The following RIMS4 variants were observed in gnomAD, a reference collection of about 807,000 sequenced individuals.
RIMS4 encodes regulating synaptic membrane exocytosis 4, also known as regulating synaptic membrane exocytosis protein 4.
Under a neutral mutation model 29.0 loss-of-function variants are expected in RIMS4, and 9 were observed. The ratio of observed to expected loss-of-function variants is 0.31; its 90% confidence interval spans 0.19 to 0.54. RIMS4 has a LOEUF of 0.54. Ranked by LOEUF, RIMS4 falls within the 20% of genes least tolerant of loss-of-function variation. The probability of loss-of-function intolerance (pLI) is 0.94; values close to 1 mark genes in which losing one functional copy is unlikely to be tolerated. For synonymous variants in RIMS4, 130 were observed against 152.9 expected (o/e 0.85, Z 1.10); for missense variants, 193 against 365.7 (o/e 0.53, Z 3.85).
intron 1 of RIMS4, among the ~76,000 whole-genome samples, chr20:44,796,785 C>G (rs2066257007): frequency 6.6e-6 from 1 of 152,222 alleles, no homozygotes; most frequent in South Asian, 2.1e-4. Context: ...TATGAAGAAG[C>G]TGGGTTTTGC....
intron 1 of RIMS4, among the ~76,000 whole-genome samples, chr20:44,791,121 C>T (rs2066230519): frequency 6.6e-6 from 1 of 152,220 alleles, no homozygotes; most frequent in African/African-American, 2.4e-5. Flanking sequence ...CTTCAGCTTA[C>T]AAACTAGTAT....
intron 1 of RIMS4, among the ~76,000 whole-genome samples, chr20:44,796,081 T>C (rs996662683): frequency 4.0e-5 from 6 of 150,596 alleles, no homozygotes; most frequent in Non-Finnish European, 8.9e-5. Context: ...GCATCCTGTC[T>C]CACCCCCTCC....
At chr20:44,763,825 T>C (rs1280088479) in intron 2 of RIMS4, among the ~76,000 whole-genome samples, 2 of 152,212 alleles carry the variant, frequency 1.3e-5, no homozygotes, top group African/African-American at 2.4e-5. Flanking sequence ...GATGGATCAC[T>C]CGTCTCAACA....
chr20:44,767,626 C>G (rs1425271020), intron 2 of RIMS4, among the ~76,000 whole-genome samples: 1 of 152,176 alleles, frequency 6.6e-6, no homozygotes, highest in Non-Finnish European at 1.5e-5. Context: ...GGCAGATACC[C>G]AATGCCCGGA....
At chr20:44,800,534 TA>T (rs2066273511) in intron 1 of RIMS4, among the ~76,000 whole-genome samples, 1 of 151,794 alleles carries the variant, frequency 6.6e-6, no homozygotes, top group South Asian at 2.1e-4. Context: ...AAAAATACTT[TA>T]AAAATTATCC....
At position 44,756,858 on chromosome 20, in the gene RIMS4, C is replaced by A; in HGVS notation, c.591+40G>T. On this transcript the variant is annotated intron_variant, in intron 5 of 5. Coordinates refer to ENST00000372851, the MANE Select transcript of RIMS4 (RefSeq NM_182970.4). This position sits in a 1 kb window ranked among gnomAD's most constrained non-coding sequence, Gnocchi z 5.9. ...CATTCTGGTACTGTGCATGTGTGCT[C>A]GTGCACACACACACACGTGAGCGCG... 3 of 1,603,656 alleles carry A rather than the reference C, an allele frequency of 1.9e-6. No individual in the cohort carries two copies. Among genetic ancestry groups the A allele is most frequent in the Non-Finnish European group, 2.6e-6 (3 of 1,174,134 alleles).
At chr20:44,792,139 C>T (rs1329359176) in intron 1 of RIMS4, among the ~76,000 whole-genome samples, 1 of 152,070 alleles carries the variant, frequency 6.6e-6, no homozygotes, top group Non-Finnish European at 1.5e-5. Context: ...TCCTATTTAG[C>T]ACCATAACTT....
chr20:44,783,647 A>AC (rs989526873), intron 1 of RIMS4, among the ~76,000 whole-genome samples: 2 of 152,132 alleles, frequency 1.3e-5, no homozygotes, highest in African/African-American at 4.8e-5. Flanking sequence ...AAAAACAAAA[A>AC]AAAAACAACA....
At chr20:44,774,279 G>C (rs1266730851) in intron 1 of RIMS4, among the ~76,000 whole-genome samples, 4 of 152,108 alleles carry the variant, frequency 2.6e-5, no homozygotes, top group Non-Finnish European at 5.9e-5. Context: ...TGTTAATAGC[G>C]AGTGTCAACT....
intron 2 of RIMS4, among the ~76,000 whole-genome samples, chr20:44,770,037 A>C (rs573895659): frequency 1.3e-5 from 2 of 152,364 alleles, no homozygotes; most frequent in East Asian, 3.9e-4. Context: ...AAGAACAGAA[A>C]GTTTCATCTT....
chr20:44,765,462 G>C (rs1243189436), intron 2 of RIMS4, among the ~76,000 whole-genome samples: 1 of 152,162 alleles, frequency 6.6e-6, no homozygotes, highest in African/African-American at 2.4e-5. Flanking sequence ...AAACGCCTTA[G>C]AACAGAGTCT....
chr20:44,763,127 G>A (rs1323765470), intron 2 of RIMS4, among the ~76,000 whole-genome samples: 1 of 152,192 alleles, frequency 6.6e-6, no homozygotes, highest in African/African-American at 2.4e-5. Context: ...CTCAATAGAT[G>A]TTCACTGCCA....
chr20:44,789,154 G>C (rs951081741), intron 1 of RIMS4, among the ~76,000 whole-genome samples: 4 of 151,638 alleles, frequency 2.6e-5, no homozygotes, highest in Admixed American at 2.0e-4. Flanking sequence ...AAGAAAAAAA[G>C]GGAGAGGGTG....
chr20:44,794,031 T>C (rs1465639950), intron 1 of RIMS4, among the ~76,000 whole-genome samples: 1 of 152,156 alleles, frequency 6.6e-6, no homozygotes, highest in African/African-American at 2.4e-5. Flanking sequence ...ACTGAGCCAG[T>C]GCACTCCAAG....
At chr20:44,790,468 C>T (rs932788022) in intron 1 of RIMS4, among the ~76,000 whole-genome samples, 11 of 152,330 alleles carry the variant, frequency 7.2e-5, no homozygotes, top group African/African-American at 2.4e-4. Context: ...TCCAGGAAGC[C>T]TCCCCTGATT....
intron 1 of RIMS4, among the ~76,000 whole-genome samples, chr20:44,778,938 TC>T (rs1295416722): frequency 6.6e-6 from 1 of 152,194 alleles, no homozygotes; most frequent in Admixed American, 6.5e-5. Flanking sequence ...CAGTTTCTTC[TC>T]TACTCAGTGG....
chr20:44,756,382 T>G lies in RIMS4; in HGVS notation c.592-30A>C, dbSNP rs766935649. On this transcript the variant is annotated intron_variant, in intron 5 of 5. Transcript: ENST00000372851. The surrounding 1 kb of genome is among the most constrained non-coding windows in gnomAD (Gnocchi z 5.9). ...GGGGCAAGAGACACAGTGGTTCAAA[T>G]CCTGCCAGTGCCACTCACAGGCCCA... 27 of 1,588,930 alleles carry G rather than the reference T, an allele frequency of 1.7e-5. No individual in the cohort carries two copies. The highest frequency in any genetic ancestry group is 2.1e-5 in the Non-Finnish European group (24 of 1,163,182).
chr20:44,765,351 G>A (rs1182729136), intron 2 of RIMS4, among the ~76,000 whole-genome samples: 2 of 152,146 alleles, frequency 1.3e-5, no homozygotes, highest in African/African-American at 4.8e-5. Flanking sequence ...TAGTCGTGGA[G>A]GCACATTCTT....
chr20:44,757,376 GC>G (rs2066065188), intron 4 of RIMS4, among the ~76,000 whole-genome samples: 1 of 151,920 alleles, frequency 6.6e-6, no homozygotes, highest in South Asian at 2.1e-4. Flanking sequence ...CCAAGCCTGA[GC>G]ACCTACTGCA....
Sources: allele counts gnomAD v4.1 joint callset (sites outside exome capture counted in the v4.1 genomes callset), GRCh38; gene constraint gnomAD v4.1.1; non-coding constraint Gnocchi (gnomAD v3.1); transcripts MANE v1.5; gene names NCBI Gene and HGNC (gene_info 2026-07-23, HGNC 2026-07-21).